The following RCAN2 variants were observed in gnomAD, a reference collection of about 807,000 sequenced individuals.
RCAN2 encodes the protein regulator of calcineurin 2.
In RCAN2, 9 loss-of-function variants were observed where a neutral mutation model predicts 23.6. That is an observed-to-expected ratio of 0.38 (90% CI 0.23 to 0.67). The LOEUF (loss-of-function observed/expected upper bound fraction) is 0.67. RCAN2 is among the 30% of genes least tolerant of loss of function. RCAN2 has a pLI of 0.51. For synonymous variants in RCAN2, 109 were observed against 115.7 expected, an observed-to-expected ratio of 0.94 and a Z score of 0.37; for missense variants, 273 against 302.3, an observed-to-expected ratio of 0.90 and a Z score of 0.72.
At chr6:46,424,212 A>G (rs925316902) in intron 2 of RCAN2, among the ~76,000 whole-genome samples, 3 of 152,244 alleles carry the variant, frequency 2.0e-5, no homozygotes, top group African/African-American at 7.2e-5. Context: ...TCCAAATATT[A>G]TCAATTCACT....
upstream of RCAN2, chr6:46,491,462 A>G (rs1484538290): frequency 6.6e-6 from 1 of 152,194 alleles, no homozygotes; most frequent in Non-Finnish European, 1.5e-5. Flanking sequence ...GGAGGGGCTG[A>G]GCCGGCGGCT....
At chr6:46,412,185 G>A (rs1254731256) in intron 2 of RCAN2, among the ~76,000 whole-genome samples, 2 of 152,166 alleles carry the variant, frequency 1.3e-5, no homozygotes, top group Non-Finnish European at 2.9e-5. Flanking sequence ...ATTAAGAAGA[G>A]GGAAAGGAGG....
chr6:46,337,439 G>T (rs1314333718), intron 2 of RCAN2, among the ~76,000 whole-genome samples: 1 of 152,206 alleles, frequency 6.6e-6, no homozygotes, highest in Non-Finnish European at 1.5e-5. Flanking sequence ...ACTTTAGTTT[G>T]AGGTGTAAAC....
intron 2 of RCAN2, among the ~76,000 whole-genome samples, chr6:46,338,950 G>GGTTGCA (rs1401686720): frequency 3.3e-5 from 2 of 59,936 alleles, no homozygotes; most frequent in East Asian, 1.2e-3. Flanking sequence ...AGGAGGTGGA[G>GGTTGCA]GTTGCAGTGA....
chr6:46,414,509 T>C (rs542411284), intron 2 of RCAN2, among the ~76,000 whole-genome samples: 1 of 152,204 alleles, frequency 6.6e-6, no homozygotes, highest in Non-Finnish European at 1.5e-5. Flanking sequence ...GGTCAAACAG[T>C]ATTCTGGGTG....
At chr6:46,336,867 T>G (rs1411533054) in intron 2 of RCAN2, among the ~76,000 whole-genome samples, 1 of 150,978 alleles carries the variant, frequency 6.6e-6, no homozygotes, top group Non-Finnish European at 1.5e-5. Context: ...GGAGATAAAG[T>G]GTTTAGAGTT....
At chr6:46,224,039 G>A (rs1765566832) in intron 4 of RCAN2, among the ~76,000 whole-genome samples, 1 of 152,218 alleles carries the variant, frequency 6.6e-6, no homozygotes, top group Non-Finnish European at 1.5e-5. Context: ...GTCCAGTGGA[G>A]ACATGTGGAG....
intron 2 of RCAN2, among the ~76,000 whole-genome samples, chr6:46,323,548 C>CCCG (rs1327869993): frequency 6.6e-6 from 1 of 152,292 alleles, no homozygotes. Context: ...CACCTCCTTT[C>CCCG]CCGTTTGCCT....
intron 1 of RCAN2, among the ~76,000 whole-genome samples, chr6:46,480,852 G>A (rs981670299): frequency 1.3e-5 from 2 of 152,122 alleles, no homozygotes; most frequent in Non-Finnish European, 2.9e-5. Flanking sequence ...TGGATCTCCT[G>A]ACCTCGTGAT....
chr6:46,300,279 A>T (rs1211338665), intron 2 of RCAN2, among the ~76,000 whole-genome samples: 1 of 151,992 alleles, frequency 6.6e-6, no homozygotes, highest in African/African-American at 2.4e-5. Context: ...CAAATTGATT[A>T]AAAAAGCAAC....
intron 2 of RCAN2, among the ~76,000 whole-genome samples, chr6:46,367,935 C>T (rs1311808371): frequency 1.3e-5 from 2 of 152,116 alleles, no homozygotes; most frequent in Non-Finnish European, 2.9e-5. Context: ...CAACTGGCTC[C>T]AACAAACTTG....
chr6:46,267,861 G>A (rs1356090063), intron 2 of RCAN2, among the ~76,000 whole-genome samples: 1 of 151,998 alleles, frequency 6.6e-6, no homozygotes, highest in East Asian at 1.9e-4. Context: ...ATCAGAAGAT[G>A]TTATAATACC....
chr6:46,239,396 A>G (rs1766220863), intron 4 of RCAN2, among the ~76,000 whole-genome samples: 1 of 152,090 alleles, frequency 6.6e-6, no homozygotes, highest in Non-Finnish European at 1.5e-5. Flanking sequence ...GCTCCTATTG[A>G]ACTTTGGTGG....
intron 2 of RCAN2, among the ~76,000 whole-genome samples, chr6:46,311,637 A>G (rs1763262913): frequency 6.6e-6 from 1 of 152,324 alleles, no homozygotes; most frequent in South Asian, 2.1e-4. Flanking sequence ...ATCCGATTGA[A>G]GAGTGCCTTG....
chr6:46,421,634 T>C (rs1197165958), intron 2 of RCAN2, among the ~76,000 whole-genome samples: 8 of 152,170 alleles, frequency 5.3e-5, no homozygotes, highest in Non-Finnish European at 1.2e-4. Context: ...TCCTTGATAG[T>C]CCTCAGAGGT....
chr6:46,462,548 C>T (rs75659271), intron 1 of RCAN2, among the ~76,000 whole-genome samples: 1,858 of 152,264 alleles, frequency 0.012, 14 homozygotes, highest in Admixed American at 0.022. Flanking sequence ...GACTAGCCAC[C>T]TGAAACATAA....
intron 2 of RCAN2, among the ~76,000 whole-genome samples, chr6:46,285,475 A>G (rs1318524025): frequency 1.3e-5 from 2 of 152,162 alleles, no homozygotes; most frequent in African/African-American, 4.8e-5. Flanking sequence ...GCAAATAAAG[A>G]GGTTCTAATC....
At chr6:46,351,578 G>A (rs1764647165) in intron 2 of RCAN2, among the ~76,000 whole-genome samples, 1 of 152,194 alleles carries the variant, frequency 6.6e-6, no homozygotes, top group African/African-American at 2.4e-5. Flanking sequence ...AGATACACAG[G>A]TGAGAAATTT....
rs567055802 is a variant in RCAN2, at chr6:46,221,670, C to A, written c.*1471G>T. 5.6e-6 allele frequency: 2 copies of A among 356,884 alleles called. No individual in the cohort carries two copies. Among genetic ancestry groups the A allele is most frequent in the Admixed American group, 4.7e-5 (1 of 21,454 alleles). 22.1% of individuals were successfully genotyped at this position (356,884 alleles called of 1,614,324 possible). The stretch of plus-strand genomic sequence containing the variant: ...TGATGAAACTAACATACACCTTAGT[C>A]AAAAACCACAACAATCCCTCAATCT... On this transcript the variant is annotated 3_prime_UTR_variant, in exon 5 of 5. Coordinates refer to ENST00000371374, the MANE Select transcript of RCAN2 (RefSeq NM_001251974.2).
Sources: allele counts gnomAD v4.1 joint callset (sites outside exome capture counted in the v4.1 genomes callset), GRCh38; gene constraint gnomAD v4.1.1; transcripts MANE v1.5; gene names NCBI Gene and HGNC (gene_info 2026-07-23, HGNC 2026-07-21).